Variants in INSC observed in about 807,000 individuals in gnomAD.
INSC encodes the protein INSC spindle orientation adaptor protein, also known as protein inscuteable homolog.
Under a neutral mutation model 58.6 loss-of-function variants are expected in INSC, and 67 were observed. The ratio of observed to expected loss-of-function variants is 1.14; its 90% CI spans 0.94 to 1.40. The LOEUF (loss-of-function observed/expected upper bound fraction) is 1.40. INSC is among the 40% of genes most tolerant of loss of function. INSC has a pLI of 0.00. For synonymous variants in INSC, 262 were observed against 276.1 expected, an observed-to-expected ratio of 0.95 and a Z score of 0.51; for missense variants, 714 against 692.0, an observed-to-expected ratio of 1.03 and a Z score of -0.36.
chr11:15,140,450 C>T (rs1481543801), intron 1 of INSC, among the ~76,000 whole-genome samples: 1 of 152,210 alleles, frequency 6.6e-6, no homozygotes, highest in Non-Finnish European at 1.5e-5. Context: ...CTGTTCACTC[C>T]AGCCAGGCAA....
Position 15,183,443 on chromosome 11 carries a change from A to G in INSC, c.579+4996A>G, listed in dbSNP as rs372782412. 4.4e-4 allele frequency among the ~76,000 whole-genome samples: 65 copies of G among 149,330 alleles called. 1 individual carries two copies. Among genetic ancestry groups the G allele is most frequent in the East Asian group, 3.9e-4 (2 of 5,106 alleles). Reference sequence around the variant, plus strand: ...AATTCAGATATATTGTAGTGTGTGTATGTGTGTGTGTGTGTATGTGTGTTG... The same window carrying G: ...AATTCAGATATATTGTAGTGTGTGTGTGTGTGTGTGTGTGTATGTGTGTTG... On this transcript the variant is annotated intron_variant, in intron 5 of 12. Transcript: ENST00000379556.
chr11:15,214,340 C>T (rs1851135473), intron 7 of INSC, among the ~76,000 whole-genome samples: 1 of 152,202 alleles, frequency 6.6e-6, no homozygotes, highest in Admixed American at 6.5e-5. Flanking sequence ...CTCTCCTGCT[C>T]CTATGGCTGC....
chr11:15,176,164 G>C, intron 3 of INSC, 78 bp downstream of exon 3: 1 of 1,216,726 alleles, frequency 8.2e-7, no homozygotes, highest in East Asian at 2.6e-5. Context: ...GAATCATGTG[G>C]TGTCTGAATC....
intron 9 of INSC, among the ~76,000 whole-genome samples, chr11:15,226,262 T>G (rs1410983977): frequency 6.6e-6 from 1 of 152,104 alleles, no homozygotes; most frequent in Non-Finnish European, 1.5e-5. Context: ...CGTCTAACAC[T>G]GAACCCTATA....
chr11:15,163,999 T>C (rs1028045657), intron 2 of INSC, among the ~76,000 whole-genome samples: 2 of 152,242 alleles, frequency 1.3e-5, no homozygotes, highest in Non-Finnish European at 2.9e-5. Context: ...GTTTCTAAAA[T>C]GACTTTCCCC....
chr11:15,215,229 C>T (rs1441694515), intron 7 of INSC, among the ~76,000 whole-genome samples: 1 of 152,204 alleles, frequency 6.6e-6, no homozygotes, highest in East Asian at 1.9e-4. Flanking sequence ...CATGTAAAAT[C>T]TAATTATCTA....
chr11:15,142,783 G>A (rs1260265099), intron 1 of INSC, among the ~76,000 whole-genome samples: 1 of 152,074 alleles, frequency 6.6e-6, no homozygotes, highest in East Asian at 1.9e-4. Flanking sequence ...ATATTAGGAT[G>A]CAGAGCACTT....
At position 15,149,230 on chromosome 11, in the gene INSC, G is replaced by A. The variant is rs199811445; in HGVS notation, c.56G>A (p.Arg19Gln). 3.1e-5 allele frequency: 50 copies of A among 1,603,472 alleles called. No individual in the cohort carries two copies. Among genetic ancestry groups the A allele is most frequent in the Admixed American group, 1.0e-4 (6 of 58,540 alleles). ...HLDSVTLPGQ[R>Q]LHLMQVDSVQ... ...GACTCCGTCACCCTGCCGGGTCAGCGGTAAGTCCTACAGCTGTCACTCCAG... is the reference window on the plus strand; with the variant it reads ...GACTCCGTCACCCTGCCGGGTCAGCAGTAAGTCCTACAGCTGTCACTCCAG... Residue 19 changes from arginine to glutamine, a missense_variant and splice_region_variant, in exon 2 of 13, where the codon CGG becomes CAG. Coordinates refer to ENST00000379556, the MANE Select transcript of INSC (RefSeq NM_001042536.3).
At chr11:15,218,222 A>G (rs1012278801) in intron 7 of INSC, among the ~76,000 whole-genome samples, 6 of 152,254 alleles carry the variant, frequency 3.9e-5, no homozygotes, top group African/African-American at 1.4e-4. Flanking sequence ...GATCATAGCC[A>G]CATGCAACAA....
intron 1 of INSC, among the ~76,000 whole-genome samples, chr11:15,137,052 G>GA (rs1390929554): frequency 6.6e-6 from 1 of 152,130 alleles, no homozygotes; most frequent in Non-Finnish European, 1.5e-5. Context: ...TTAGCAGTGT[G>GA]AAAACATTAA....
intron 12 of INSC, among the ~76,000 whole-genome samples, chr11:15,241,017 G>T (rs1348080849): frequency 6.6e-6 from 1 of 151,880 alleles, no homozygotes; most frequent in Non-Finnish European, 1.5e-5. Context: ...ACAAGACAGA[G>T]TGGACTATTC....
chr11:15,156,308 T>C (rs1269426795), intron 2 of INSC, among the ~76,000 whole-genome samples: 2 of 152,216 alleles, frequency 1.3e-5, no homozygotes, highest in Admixed American at 1.3e-4. Context: ...GGCAACTGTA[T>C]GTCACCTAAG....
At chr11:15,160,281 A>T (rs972851500) in intron 2 of INSC, among the ~76,000 whole-genome samples, 2 of 152,174 alleles carry the variant, frequency 1.3e-5, no homozygotes, top group Non-Finnish European at 2.9e-5. Flanking sequence ...GAAGCCAGCA[A>T]GGTGAAGAGG....
At chr11:15,130,452 C>T (rs979054423) in intron 1 of INSC, among the ~76,000 whole-genome samples, 1 of 152,202 alleles carries the variant, frequency 6.6e-6, no homozygotes, top group Admixed American at 6.5e-5. Context: ...CCATGATATA[C>T]AATCCTTTTC....
intron 2 of INSC, among the ~76,000 whole-genome samples, chr11:15,154,878 CT>C (rs1848761614): frequency 6.6e-6 from 1 of 152,144 alleles, no homozygotes; most frequent in Admixed American, 6.5e-5. Flanking sequence ...AAAACAAGTT[CT>C]TCCCATTCTT....
At position 15,202,446 on chromosome 11, in the gene INSC, G is replaced by A. The variant is rs938981106; in HGVS notation, c.819+1497G>A. Among the ~76,000 whole-genome samples, 6 of 152,286 alleles carry A rather than the reference G, an allele frequency of 3.9e-5. No individual in the cohort carries two copies. In the South Asian group the frequency reaches 8.3e-4, roughly 21 times the overall value. Reference sequence around the variant, plus strand: ...TTGTGTGAGCACAGACATGCTATGCGTGTGCTCTCTTATATGGCAAAATAG... The same window carrying A: ...TTGTGTGAGCACAGACATGCTATGCATGTGCTCTCTTATATGGCAAAATAG... On this transcript the variant is annotated intron_variant, in intron 7 of 12. Transcript: ENST00000379556.
At chr11:15,118,199 G>C (rs1445785908) in intron 1 of INSC, among the ~76,000 whole-genome samples, 2 of 152,202 alleles carry the variant, frequency 1.3e-5, no homozygotes, top group African/African-American at 2.4e-5. Context: ...CACATGAAGG[G>C]CTTTACTGCC....
intron 7 of INSC, among the ~76,000 whole-genome samples, chr11:15,214,671 C>T (rs1036792794): frequency 6.6e-5 from 10 of 152,164 alleles, no homozygotes; most frequent in African/African-American, 2.4e-4. Flanking sequence ...TTGATTGTGT[C>T]CTCCAAGGTT....
chr11:15,267,724 G>A, the INSC span, among the ~76,000 whole-genome samples: 2 of 151,702 alleles, frequency 1.3e-5, no homozygotes, highest in African/African-American at 4.8e-5. Flanking sequence ...AATCTTCTAT[G>A]CCATTTTCAG....
Sources: allele counts gnomAD v4.1 joint callset (sites outside exome capture counted in the v4.1 genomes callset), GRCh38; gene constraint gnomAD v4.1.1; transcripts MANE v1.5; gene names NCBI Gene and HGNC (gene_info 2026-07-23, HGNC 2026-07-21).